Variants in XPNPEP3 observed in about 807,000 individuals in gnomAD.
XPNPEP3 encodes X-prolyl aminopeptidase 3, also known as xaa-Pro aminopeptidase 3.
In XPNPEP3, 41 loss-of-function variants were observed where a neutral mutation model predicts 60.0. The observed-to-expected ratio is 0.68, with a 90% CI of 0.53 to 0.89. The LOEUF is 0.89. Among genes scored for constraint, XPNPEP3 ranks in the 40% least tolerant of loss-of-function variants. XPNPEP3 has a pLI of 0.00. For synonymous variants in XPNPEP3, 212 were observed against 223.2 expected (o/e 0.95, Z 0.45); for missense variants, 598 against 638.9 (o/e 0.94, Z 0.69).
Position 40,905,950 on chromosome 22 carries a change from C to A in XPNPEP3, c.793-1637C>A, listed in dbSNP as rs181477116. 1.4e-4 allele frequency among the ~76,000 whole-genome samples: 22 copies of A among 152,190 alleles called. No individual in the cohort carries two copies. In the East Asian group the frequency reaches 4.3e-3, roughly 29 times the overall value. ...GGGATTACAGGTGCACACCACCATA[C>A]CCAGCTGATTTTTTGTATTTTTAGT... On this transcript the variant is annotated intron_variant, in intron 4 of 9. Transcript: ENST00000357137.
chr22:40,889,280 C>T (rs1292145195), intron 4 of XPNPEP3, among the ~76,000 whole-genome samples: 1 of 152,058 alleles, frequency 6.6e-6, no homozygotes, highest in African/African-American at 2.4e-5. Flanking sequence ...CATCCTCAGC[C>T]TCCCAAAACA....
chr22:40,902,072 T>C (rs1288089196), intron 4 of XPNPEP3, among the ~76,000 whole-genome samples: 2 of 121,668 alleles, frequency 1.6e-5, no homozygotes, highest in East Asian at 4.2e-4. Context: ...CTTTTCCTTC[T>C]TTTTTTTTTT....
chr22:40,883,252 C>A (rs1269168218), intron 3 of XPNPEP3, among the ~76,000 whole-genome samples: 1 of 152,168 alleles, frequency 6.6e-6, no homozygotes, highest in South Asian at 2.1e-4. Flanking sequence ...ATTAAAAATG[C>A]ATAATATGTA....
intron 2 of XPNPEP3, among the ~76,000 whole-genome samples, chr22:40,869,717 CAGA>C (rs1405830298): frequency 2.6e-5 from 4 of 152,078 alleles, no homozygotes; most frequent in Non-Finnish European, 5.9e-5. Flanking sequence ...GCGTTGCTGC[CAGA>C]AGATGTCTTA....
At chr22:40,912,329 GCAA>G (rs2058180096) in intron 6 of XPNPEP3, among the ~76,000 whole-genome samples, 1 of 152,094 alleles carries the variant, frequency 6.6e-6, no homozygotes, top group Admixed American at 6.6e-5. Flanking sequence ...ATACATATCT[GCAA>G]CTGTGATAGT....
rs10560459 is a variant in XPNPEP3 at position 40,903,874 on chromosome 22, T to TCACACACA, written c.793-3682_793-3675dup. ...ATCCCTCCCCCCATCTCTCTCTCTGTCACACACACACACACACACACACAC... is the reference window on the plus strand; with the variant it reads ...ATCCCTCCCCCCATCTCTCTCTCTGTCACACACACACACACACACACACACACACACAC... On this transcript the variant is annotated intron_variant, in intron 4 of 9. Transcript: ENST00000357137. Among the ~76,000 whole-genome samples the TCACACACA allele has an allele frequency of 5.3e-3, 774 of 146,012 alleles. 10 individuals are homozygous for TCACACACA. The highest frequency in any genetic ancestry group is 0.018 in the African/African-American group (716 of 39,224).
chr22:40,867,249 CCAGAGAAG>C (rs1273094042), intron 1 of XPNPEP3, among the ~76,000 whole-genome samples: 1 of 152,122 alleles, frequency 6.6e-6, no homozygotes, highest in Non-Finnish European at 1.5e-5. Flanking sequence ...ACACTTAGTA[CCAGAGAAG>C]CTGAGATTCA....
In XPNPEP3 at chr22:40,927,433, G is replaced by A. The variant is rs1011488544; in HGVS notation, c.*998G>A. On this transcript the variant is annotated 3_prime_UTR_variant, in exon 10 of 10. Coordinates refer to ENST00000357137, the MANE Select transcript of XPNPEP3 (RefSeq NM_022098.4). Reference sequence around the variant, plus strand: ...AGGTTGCAGTGAGCTGAGCTCATGCGACTGCACTCCAGCCTGGGTGACTGA... The same window carrying A: ...AGGTTGCAGTGAGCTGAGCTCATGCAACTGCACTCCAGCCTGGGTGACTGA... 1.3e-5 allele frequency: 2 copies of A among 151,948 alleles called. No individual in the cohort carries two copies. Among genetic ancestry groups the A allele is most frequent in the Admixed American group, 1.3e-4 (2 of 15,248 alleles). 9.4% of individuals were successfully genotyped at this position (151,948 alleles called of 1,614,324 possible). A position where few individuals can be genotyped will look rare whatever the true frequency, so the allele number is the denominator to read the frequency against.
At chr22:40,891,968 C>T (rs1027087900) in intron 4 of XPNPEP3, among the ~76,000 whole-genome samples, 2 of 152,140 alleles carry the variant, frequency 1.3e-5, no homozygotes, top group Admixed American at 6.5e-5. Flanking sequence ...CCTTGGACTC[C>T]ATTTAAATTA....
chr22:40,902,797 ATTAAAG>A (rs1485200186), intron 4 of XPNPEP3, among the ~76,000 whole-genome samples: 1 of 152,236 alleles, frequency 6.6e-6, no homozygotes, highest in Non-Finnish European at 1.5e-5. Context: ...TAGCAACTGC[ATTAAAG>A]TTAAAGATAT....
chr22:40,886,435 C>T lies in XPNPEP3; in HGVS notation c.712C>T (p.Gln238Ter), dbSNP rs1390570494. 4 of 1,614,034 alleles carry T rather than the reference C, an allele frequency of 2.5e-6. No individual in the cohort carries two copies. The highest frequency in any genetic ancestry group is 1.3e-5 in the African/African-American group (1 of 74,916). ...CAAGAACAAGGTTCGGGGTGTTCAG[C>T]AGCTGATACAGCGCCTCCGGCTGAT... ...KSKNKVRGVQ[Q>*]LIQRLRLIKS... The change falls in exon 4 of 10, where the codon CAG becomes TAG. Residue 238 changes from glutamine (Q) to a stop codon, truncating the protein, a stop_gained. Transcript: ENST00000357137. LOFTEE classifies it high-confidence loss of function.
chr22:40,922,144 G>A (rs1041041886), intron 7 of XPNPEP3, among the ~76,000 whole-genome samples, 189 bp from the exon 8 acceptor site: 1 of 152,048 alleles, frequency 6.6e-6, no homozygotes, highest in East Asian at 1.9e-4. Context: ...TTGAAGGATT[G>A]TTGCCCTTCC....
At chr22:40,910,146 A>G (rs2058172010) in intron 6 of XPNPEP3, among the ~76,000 whole-genome samples, 1 of 152,002 alleles carries the variant, frequency 6.6e-6, no homozygotes, top group Non-Finnish European at 1.5e-5. Context: ...AAACAAAAAT[A>G]AAAACGAATA....
chr22:40,905,367 C>T (rs1160707578), intron 4 of XPNPEP3, among the ~76,000 whole-genome samples: 1 of 152,196 alleles, frequency 6.6e-6, no homozygotes. Flanking sequence ...GCATGAGCCA[C>T]CACACCCGGC....
intron 4 of XPNPEP3, chr22:40,907,141 G>T (rs1173168840): frequency 1.3e-5 from 6 of 456,646 alleles, no homozygotes; most frequent in Non-Finnish European, 2.6e-5. Flanking sequence ...CGTATTATTG[G>T]CCCGGCACGG....
At chr22:40,888,840 G>C (rs539811160) in intron 4 of XPNPEP3, among the ~76,000 whole-genome samples, 2 of 151,952 alleles carry the variant, frequency 1.3e-5, no homozygotes, top group African/African-American at 2.4e-5. Context: ...CACTAGCAAC[G>C]CACCAAGGGT....
At chr22:40,914,200 A>G (rs746124074) in intron 6 of XPNPEP3, 39 bp from the exon 7 acceptor site, 47 of 1,551,476 alleles carry the variant, frequency 3.0e-5, no homozygotes, top group African/African-American at 6.8e-5. Flanking sequence ...ACTTATAATC[A>G]TGAGCTTATC....
intron 1 of XPNPEP3, chr22:40,861,100 CT>C: frequency 6.2e-7 from 1 of 1,610,532 alleles, no homozygotes; most frequent in Non-Finnish European, 8.5e-7. Flanking sequence ...TTTTGCACCT[CT>C]TTACGCTTCT....
chr22:40,897,276 C>T (rs1489002412), intron 4 of XPNPEP3, among the ~76,000 whole-genome samples: 1 of 152,086 alleles, frequency 6.6e-6, no homozygotes, highest in Non-Finnish European at 1.5e-5. Context: ...GATCTGCCCA[C>T]CTCGGCCTCC....
Sources: allele counts gnomAD v4.1 joint callset (sites outside exome capture counted in the v4.1 genomes callset), GRCh38; gene constraint gnomAD v4.1.1; transcripts MANE v1.5; gene names NCBI Gene and HGNC (gene_info 2026-07-23, HGNC 2026-07-21).